The following EPRS1 variants were observed in gnomAD, a reference collection of about 807,000 sequenced individuals.
EPRS1 encodes bifunctional glutamate/proline--tRNA ligase.
Under a neutral mutation model 188.3 loss-of-function variants are expected in EPRS1, and 107 were observed. The observed-to-expected ratio is 0.57, with a 90% CI of 0.49 to 0.67. The LOEUF is 0.67. Ranked by LOEUF, EPRS1 falls within the 30% of genes least tolerant of loss-of-function variation. The probability of loss-of-function intolerance (pLI) is 0.00; values close to 1 mark genes in which losing one functional copy is unlikely to be tolerated. For missense variants in EPRS1, 1,577 were observed against 1,802.2 expected (o/e 0.88, Z 2.26); for synonymous variants, 596 against 593.1 (o/e 1.00, Z -0.07).
chr1:220,006,360 C>T, intron 14 of EPRS1, 47 bp from the exon 15 acceptor site: 1 of 702,822 alleles, frequency 1.4e-6, no homozygotes, highest in Non-Finnish European at 2.2e-6. Context: ...ACCACAGCTG[C>T]CATAAATTCA....
intron 18 of EPRS1, among the ~76,000 whole-genome samples, chr1:219,993,463 T>C (rs563321778): frequency 4.1e-4 from 63 of 152,296 alleles, no homozygotes; most frequent in African/African-American, 1.5e-3. Flanking sequence ...ACTTTGCCTT[T>C]ACACTTAAAA....
intron 28 of EPRS1, among the ~76,000 whole-genome samples, chr1:219,974,463 C>G (rs1333670231): frequency 1.3e-5 from 2 of 152,154 alleles, no homozygotes; most frequent in Admixed American, 1.3e-4. Context: ...ATTTTTAGGG[C>G]CCAGAACCTT....
chr1:220,024,585 G>T lies in EPRS1; in HGVS notation c.751-129C>A, dbSNP rs1661938921. 5 of 600,346 alleles carry T rather than the reference G, an allele frequency of 8.3e-6. No homozygotes were observed. In the East Asian group the frequency reaches 1.5e-4, roughly 17 times the overall value. The allele number at this position is 600,346 out of a possible 1,614,324, so 37.2% of individuals were successfully genotyped here. A position where few individuals can be genotyped will look rare whatever the true frequency, so the allele number is the denominator to read the frequency against. ...TCTTATTTAGCCTGAAAATGGTTGT[G>T]GAAGTTACATGATATTAGATCAAAA... is the stretch of plus-strand genomic sequence containing the variant. On this transcript the variant is annotated intron_variant, in intron 7 of 31. Transcript: ENST00000366923.
intron 12 of EPRS1, among the ~76,000 whole-genome samples, chr1:220,015,211 TC>T (rs1262928869): frequency 2.0e-5 from 3 of 152,124 alleles, no homozygotes; most frequent in Non-Finnish European, 4.4e-5. Context: ...ACACCTGTAA[TC>T]CCAGCACTTT....
chr1:219,970,686 G>A (rs955769142), intron 30 of EPRS1, among the ~76,000 whole-genome samples: 1 of 151,486 alleles, frequency 6.6e-6, no homozygotes, highest in Non-Finnish European at 1.5e-5. Flanking sequence ...GCTGAGGCAG[G>A]AGAATCGCTT....
intron 6 of EPRS1, among the ~76,000 whole-genome samples, chr1:220,026,680 G>A (rs1352138939): frequency 2.0e-5 from 3 of 151,558 alleles, no homozygotes; most frequent in Non-Finnish European, 2.9e-5. Flanking sequence ...ACAGGTGCCT[G>A]CCACCATGCC....
At position 219,972,063 on chromosome 1, in the gene EPRS1, TC is replaced by T. The variant is rs757021003; in HGVS notation, c.4323+5del. The T allele has an allele frequency of 1.9e-6, 3 of 1,573,056 alleles. No individual in the cohort carries two copies. In the South Asian group the frequency reaches 3.5e-5, roughly 19 times the overall value. On this transcript the variant is annotated splice_donor_5th_base_variant and intron_variant, in intron 30 of 31. Transcript: ENST00000366923. ...TTATACTGAAAAGTTTTCCAAACTC[TC>T]TGACCTTTCCAGAATCTAGTATCTT...
chr1:220,046,333 G>C lies in EPRS1; in HGVS notation c.46+10C>G, dbSNP rs1466461641. The C allele has an allele frequency of 6.2e-7, 1 of 1,614,048 alleles. No individual in the cohort carries two copies. ...GCAACCCACACAGGTCATTGGTCTC[G>C]GCCCCTTACCTAGCGGAGGGTCTCC... On this transcript the variant is annotated intron_variant, in intron 1 of 31. Transcript: ENST00000366923.
intron 1 of EPRS1, among the ~76,000 whole-genome samples, chr1:220,044,189 A>C (rs1197611377): frequency 6.6e-6 from 1 of 152,268 alleles, no homozygotes; most frequent in Admixed American, 6.5e-5. Flanking sequence ...CTAGCAATGC[A>C]ACTATTATTT....
chr1:220,006,092 C>A lies in EPRS1; in HGVS notation c.1950+14G>T, dbSNP rs757084576. On this transcript the variant is annotated intron_variant, in intron 15 of 31. Transcript: ENST00000366923. ...AAATTTAAAAGGTGAAATATGGTTT[C>A]TTTGGAAGGTTACCTTACTGTTCTT... 1.2e-5 allele frequency: 17 copies of A among 1,466,368 alleles called. No homozygotes were observed. The South Asian group carries it at 1.5e-4, about 13-fold the overall frequency. The allele number at this position is 1,466,368 out of a possible 1,614,324, so 90.8% of individuals were successfully genotyped here.
At chr1:219,999,139 T>C (rs1407290912) in intron 17 of EPRS1, among the ~76,000 whole-genome samples, 1 of 152,092 alleles carries the variant, frequency 6.6e-6, no homozygotes, top group African/African-American at 2.4e-5. Context: ...ACCATAACAT[T>C]AAGCCCTGGA....
chr1:220,021,864 T>G (rs965983448), intron 9 of EPRS1, among the ~76,000 whole-genome samples: 5 of 3,778 alleles, frequency 1.3e-3, no homozygotes, highest in Non-Finnish European at 1.2e-3. Context: ...AAAGTAGGGT[T>G]TTTTTTTTTG....
At chr1:220,037,505 C>CAAAAAAAAAAAAAAAAAAAAAAAAAAA (rs766349279) in intron 2 of EPRS1, among the ~76,000 whole-genome samples, 1 of 52,322 alleles carries the variant, frequency 1.9e-5, no homozygotes, top group Non-Finnish European at 4.1e-5. Flanking sequence ...ACTCCATCTC[C>CAAAAAAAAAAAAAAAAAAAAAAAAAAA]AAAAAAAAAA....
At chr1:219,987,108 C>T (rs183722760) in intron 20 of EPRS1, 34 bp downstream of exon 20, 1 of 1,583,556 alleles carries the variant, frequency 6.3e-7, no homozygotes, top group African/African-American at 1.4e-5. Flanking sequence ...TAATTCACTG[C>T]TTTGCTTCAA....
intron 23 of EPRS1, among the ~76,000 whole-genome samples, chr1:219,981,850 A>G (rs985881889): frequency 1.1e-4 from 16 of 152,226 alleles, no homozygotes; most frequent in Non-Finnish European, 1.5e-5. Flanking sequence ...AGAAGGTATC[A>G]TAACTCAGTT....
chr1:219,981,341 G>T, intron 24 of EPRS1, 37 bp downstream of exon 24: 21 of 1,273,272 alleles, frequency 1.6e-5, no homozygotes, highest in Non-Finnish European at 2.2e-5. Context: ...AAAAGAACAT[G>T]AATAATAATA....
At chr1:220,042,343 C>A (rs1414494536) in intron 1 of EPRS1, among the ~76,000 whole-genome samples, 1 of 151,044 alleles carries the variant, frequency 6.6e-6, no homozygotes, top group Non-Finnish European at 1.5e-5. Context: ...ATTAGCCAGG[C>A]GTGGTGGCAT....
intron 23 of EPRS1, among the ~76,000 whole-genome samples, chr1:219,981,785 CTA>C (rs1660906351): frequency 6.6e-6 from 1 of 152,138 alleles, no homozygotes; most frequent in Admixed American, 6.5e-5. Context: ...AGGTCATGTT[CTA>C]TGTTAAGTTC....
intron 27 of EPRS1, 90 bp downstream of exon 27, chr1:219,979,328 G>T: frequency 2.1e-6 from 2 of 944,060 alleles, no homozygotes; most frequent in Non-Finnish European, 3.2e-6. Flanking sequence ...CTGCCTGAAT[G>T]ATATTCAGAA....
Sources: gnomAD v4.1 joint callset for allele counts (sites outside exome capture counted in the v4.1 genomes callset) on GRCh38, gnomAD v4.1.1 for gene constraint, MANE v1.5 for transcripts, NCBI Gene and HGNC (gene_info 2026-07-23, HGNC 2026-07-21) for gene names.